ARSI: variants seen among roughly 807,000 people sequenced by gnomAD.
The protein encoded by ARSI is arylsulfatase family member I.
ARSI carries 37 observed loss-of-function variants against 42.1 expected under a neutral mutation model. The observed-to-expected ratio is 0.88, with a 90% CI of 0.68 to 1.16. ARSI has a LOEUF of 1.16. Ranked by LOEUF, ARSI falls within the 50% of genes most tolerant of loss-of-function variation. The probability of loss-of-function intolerance (pLI) is 0.00; values close to 1 mark genes in which losing one functional copy is unlikely to be tolerated. For missense variants in ARSI, 725 were observed against 790.1 expected (o/e 0.92, Z 0.99); for synonymous variants, 305 against 320.3 (o/e 0.95, Z 0.51).
At chr5:150,301,967 A>C in intron 1 of ARSI, 96 bp downstream of exon 1, 2 of 1,322,348 alleles carry the variant, frequency 1.5e-6, no homozygotes, top group South Asian at 3.0e-5. Context: ...GAGATTTCCC[A>C]GATCCCAGCA....
intron 1 of ARSI, 61 bp from the exon 2 acceptor site, chr5:150,298,673 C>T (rs987534502): frequency 3.2e-5 from 47 of 1,483,084 alleles, no homozygotes; most frequent in Non-Finnish European, 4.1e-5. Flanking sequence ...TTGCTCTGGC[C>T]ATCCAGTCCC....
At chr5:150,300,909 A>G (rs1328660952) in intron 1 of ARSI, among the ~76,000 whole-genome samples, 1 of 151,692 alleles carries the variant, frequency 6.6e-6, no homozygotes, top group Non-Finnish European at 1.5e-5. Flanking sequence ...CTGCACCACC[A>G]CCCCAACCCA....
chr5:150,297,877 G>C lies in ARSI; in HGVS notation c.1047C>G (p.Asp349Glu). Reference sequence around the variant, plus strand: ...CCAGACCCACCAGGGTCGGGTACCAGTCAGTGATGTGCATCAGTGCCCGGC... The same window carrying C: ...CCAGACCCACCAGGGTCGGGTACCACTCAGTGATGTGCATCAGTGCCCGGC... Reference protein sequence around the residue: ...RTSRALMHITDWYPTLVGLAG... With the variant: ...RTSRALMHITEWYPTLVGLAG... Residue 349 changes from aspartate to glutamate, a missense_variant, in exon 2 of 2, where the codon GAC (aspartate) becomes GAG (glutamate). By Grantham distance (45) the Asp-to-Glu change is conservative. Coordinates refer to ENST00000328668, the MANE Select transcript of ARSI (RefSeq NM_001012301.4). This position sits in a 1 kb window ranked among gnomAD's most constrained non-coding sequence, Gnocchi z 7.0. 6.2e-7 allele frequency: 1 copy of C among 1,612,334 alleles called. No individual in the cohort carries two copies. The highest frequency in any genetic ancestry group is 2.2e-5 in the East Asian group (1 of 44,878).
rs371137247 is a variant in ARSI at position 150,297,600 on chromosome 5, G to A, written c.1324C>T (p.Leu442=). 9.9e-6 allele frequency: 16 copies of A among 1,610,426 alleles called. No individual in the cohort carries two copies. In the African/African-American group the frequency reaches 1.9e-4, roughly 19 times the overall value. Residue 442 remains leucine (L), a synonymous_variant, in exon 2 of 2, where the codon CTG becomes TTG. Coordinates refer to ENST00000328668, the MANE Select transcript of ARSI (RefSeq NM_001012301.4). The surrounding 1 kb of genome is among the most constrained non-coding windows in gnomAD (Gnocchi z 7.0). ...CACCAGCTACCCGGGAAGGTGGCCA[G>A]TGTCTGCGGTGGGATCCAATCGCCA... ...GYGDWIPPQT[L]ATFPGSWWNL...
chr5:150,301,087 G>T (rs2150321629), intron 1 of ARSI, among the ~76,000 whole-genome samples: 1 of 152,256 alleles, frequency 6.6e-6, no homozygotes, highest in Admixed American at 6.5e-5. Flanking sequence ...CTGAAGTTGG[G>T]CACGGGCACC....
rs772103557 is a variant in ARSI, at chr5:150,297,444, C to T, written c.1480G>A (p.Glu494Lys). ...ACCGGGATGGCTGTGCGGTTATATT[C>T]GGCCAGGCGAGCCAGCAGGGTGCGG... ...VVRTLLARLA[E>K]YNRTAIPVRY... Residue 494 changes from glutamate to lysine, a missense_variant, in exon 2 of 2, where the codon GAA (glutamate) becomes AAA (lysine). Transcript: ENST00000328668. This position sits in a 1 kb window ranked among gnomAD's most constrained non-coding sequence, Gnocchi z 7.0. 4.7e-5 allele frequency: 76 copies of T among 1,609,572 alleles called. 1 individual carries two copies. In the South Asian group the frequency reaches 7.7e-4, roughly 16 times the overall value.
In ARSI at chr5:150,298,242, G is replaced by A; in HGVS notation, c.682C>T (p.Pro228Ser). 1 of 1,614,174 alleles carries A rather than the reference G, an allele frequency of 6.2e-7. No individual in the cohort carries two copies. The highest frequency in any genetic ancestry group is 8.5e-7 in the Non-Finnish European group (1 of 1,180,038). Residue 228 changes from proline (P) to serine (S), a missense_variant, in exon 2 of 2, where the codon CCC (proline) becomes TCC (serine). Transcript: ENST00000328668. ...HILASHSPQR[P>S]LFLYVAFQAV... ...TGGAAGGCCACATAGAGGAAGAGGG[G>A]ACGCTGAGGGCTGTGGCTGGCCAGG...
intron 1 of ARSI, among the ~76,000 whole-genome samples, chr5:150,301,702 A>G (rs1285754637): frequency 6.6e-6 from 1 of 152,186 alleles, no homozygotes; most frequent in East Asian, 1.9e-4. Context: ...TGGACAAGAA[A>G]ACTGAGGCTT....
At position 150,302,087 on chromosome 5, in the gene ARSI, G is replaced by A; in HGVS notation, c.287C>T (p.Ser96Leu). Residue 96 changes from serine to leucine, a missense_variant, in exon 1 of 2, where the codon TCG (serine) becomes TTG (leucine). Physicochemically the swap from Ser to Leu is moderately radical, Grantham distance 145. Transcript: ENST00000328668. The surrounding 1 kb of genome is among the most constrained non-coding windows in gnomAD (Gnocchi z 6.1). ...NYYIQPICTP[S>L]RSQLLTGRYQ... is the part of the protein sequence containing the mutation. The stretch of plus-strand genomic sequence containing the variant: ...CCTGCCAGTGAGGAGCTGGCTCCGC[G>A]AAGGCGTGCAGATGGGCTGGATGTA... 2 of 1,600,012 alleles carry A rather than the reference G, an allele frequency of 1.2e-6. No homozygotes were observed. The highest frequency in any genetic ancestry group is 1.1e-5 in the South Asian group (1 of 88,632).
chr5:150,298,829 G>A (rs939198119), intron 1 of ARSI, among the ~76,000 whole-genome samples: 4 of 152,150 alleles, frequency 2.6e-5, no homozygotes, highest in African/African-American at 7.2e-5. Flanking sequence ...TCATATTGTC[G>A]TTTTACAGAT....
chr5:150,298,187 C>A lies in ARSI; in HGVS notation c.737G>T (p.Arg246Leu). The A allele has an allele frequency of 1.2e-6, 2 of 1,614,002 alleles. No homozygotes were observed. Among genetic ancestry groups the A allele is most frequent in the African/African-American group, 1.3e-5 (1 of 75,034 alleles). Reference protein sequence around the residue: ...QAVHTPLQSPREYLYRYRTMG... With the variant: ...QAVHTPLQSPLEYLYRYRTMG... ...GGTGCGGTAGCGGTACAGGTACTCA[C>A]GAGGGGACTGCAGGGGTGTGTGTAC... The change falls in exon 2 of 2, where the codon CGT (arginine) becomes CTT (leucine). Residue 246 changes from arginine (R) to leucine (L), a missense_variant. Coordinates refer to ENST00000328668, the MANE Select transcript of ARSI (RefSeq NM_001012301.4).
In ARSI at chr5:150,298,443, G is replaced by A. The variant is rs745477091; in HGVS notation, c.481C>T (p.Arg161Cys). 9.9e-6 allele frequency: 16 copies of A among 1,614,056 alleles called. No homozygotes were observed. Among genetic ancestry groups the A allele is most frequent in the Admixed American group, 5.0e-5 (3 of 60,004 alleles). ...GFYRKECLPT[R>C]RGFDTFLGSL... ...CCCAGGAAGGTGTCGAAGCCCCGAC[G>A]GGTGGGCAGACACTCCTTCCGGTAG... The change falls in exon 2 of 2, where the codon CGT (arginine) becomes TGT (cysteine). Residue 161 changes from arginine to cysteine, a missense_variant. Arg to Cys is a radical substitution (Grantham distance 180, BLOSUM62 -3). Coordinates refer to ENST00000328668, the MANE Select transcript of ARSI (RefSeq NM_001012301.4).
chr5:150,299,625 C>T (rs1757886974), intron 1 of ARSI, among the ~76,000 whole-genome samples: 1 of 151,868 alleles, frequency 6.6e-6, no homozygotes, highest in African/African-American at 2.4e-5. Flanking sequence ...TGAGGTCGCT[C>T]GGTGGTCAGG....
rs768583086 is a variant in ARSI, at chr5:150,298,203, G to C, written c.721C>G (p.Pro241Ala). The C allele has an allele frequency of 1.2e-6, 2 of 1,614,194 alleles. No homozygotes were observed. The highest frequency in any genetic ancestry group is 2.2e-5 in the South Asian group (2 of 91,088). ...AGGTACTCACGAGGGGACTGCAGGG[G>C]TGTGTGTACTGCCTGGAAGGCCACA... ...LYVAFQAVHT[P>A]LQSPREYLYR... is the part of the protein sequence containing the mutation. Residue 241 changes from proline to alanine, a missense_variant, in exon 2 of 2, where the codon CCC becomes GCC. Coordinates refer to ENST00000328668, the MANE Select transcript of ARSI (RefSeq NM_001012301.4).
chr5:150,300,688 G>T (rs1466061765), intron 1 of ARSI, among the ~76,000 whole-genome samples: 5 of 152,228 alleles, frequency 3.3e-5, no homozygotes, highest in Admixed American at 2.0e-4. Flanking sequence ...GCTGCAGGGT[G>T]GGGGAGGGCA....
At chr5:150,298,703 G>T in intron 1 of ARSI, 91 bp from the exon 2 acceptor site, 2 of 1,270,478 alleles carry the variant, frequency 1.6e-6, no homozygotes, top group Non-Finnish European at 2.2e-6. Context: ...TGTGAGGTGG[G>T]CTGTGGTCCC....
chr5:150,299,603 A>G (rs925128770), intron 1 of ARSI, among the ~76,000 whole-genome samples: 2 of 151,930 alleles, frequency 1.3e-5, no homozygotes, highest in African/African-American at 4.8e-5. Context: ...AGGGAAGGGG[A>G]AGGGCCTTAA....
At chr5:150,301,406 G>A (rs992386516) in intron 1 of ARSI, among the ~76,000 whole-genome samples, 1 of 152,166 alleles carries the variant, frequency 6.6e-6, no homozygotes, top group Non-Finnish European at 1.5e-5. Context: ...ATGTCTACTT[G>A]GGGCTCCCAG....
At position 150,297,448 on chromosome 5, in the gene ARSI, C is replaced by A; in HGVS notation, c.1476G>T (p.Leu492=). Reference sequence around the variant, plus strand: ...GGATGGCTGTGCGGTTATATTCGGCCAGGCGAGCCAGCAGGGTGCGGACCA... The same window carrying A: ...GGATGGCTGTGCGGTTATATTCGGCAAGGCGAGCCAGCAGGGTGCGGACCA... The part of the protein sequence containing the change: ...PDVVRTLLAR[L]AEYNRTAIPV... The change falls in exon 2 of 2, where the codon CTG becomes CTT. Residue 492 remains leucine (L), a synonymous_variant. Transcript: ENST00000328668. The surrounding 1 kb of genome is among the most constrained non-coding windows in gnomAD (Gnocchi z 7.0). The A allele has an allele frequency of 3.1e-6, 5 of 1,610,450 alleles. No homozygotes were observed. The South Asian group carries it at 5.5e-5, about 18-fold the overall frequency.
Sources: gnomAD v4.1 joint callset for allele counts (sites outside exome capture counted in the v4.1 genomes callset) on GRCh38, gnomAD v4.1.1 for gene constraint, Gnocchi (gnomAD v3.1) non-coding constraint, MANE v1.5 for transcripts, NCBI Gene and HGNC (gene_info 2026-07-23, HGNC 2026-07-21) for gene names.